DLG2: variants seen among roughly 807,000 people sequenced by gnomAD.
The protein encoded by DLG2 is discs large MAGUK scaffold protein 2.
In DLG2, 45 loss-of-function variants were observed where a neutral mutation model predicts 132.5. The ratio of observed to expected loss-of-function variants is 0.34; its 90% confidence interval spans 0.27 to 0.44. The LOEUF (loss-of-function observed/expected upper bound fraction) is 0.44, where lower values mean the gene tolerates loss of function less well. DLG2 is among the 20% of genes least tolerant of loss of function. The pLI is 1.00. For missense variants in DLG2, 1,045 were observed against 1,196.9 expected, an observed-to-expected ratio of 0.87 and a Z score of 1.87; for synonymous variants, 424 against 419.6, an observed-to-expected ratio of 1.01 and a Z score of -0.13.
intron 18 of DLG2, among the ~76,000 whole-genome samples, chr11:83,746,564 T>C (rs2092926548): frequency 6.6e-6 from 1 of 150,666 alleles, no homozygotes; most frequent in Non-Finnish European, 1.5e-5. Flanking sequence ...ACATCACACA[T>C]CAGGGCCTGT....
At chr11:84,782,043 T>G (rs1301593141) in intron 6 of DLG2, among the ~76,000 whole-genome samples, 1 of 152,078 alleles carries the variant, frequency 6.6e-6, no homozygotes, top group African/African-American at 2.4e-5. Flanking sequence ...GCAGCCACAA[T>G]CTTCACTTGA....
chr11:84,743,843 G>A (rs1448776149), intron 6 of DLG2, among the ~76,000 whole-genome samples: 1 of 151,936 alleles, frequency 6.6e-6, no homozygotes, highest in Non-Finnish European at 1.5e-5. Flanking sequence ...TCCTTCCTCA[G>A]CCTCCTGAGT....
chr11:84,148,358 C>T (rs751787007), intron 9 of DLG2, among the ~76,000 whole-genome samples: 22 of 152,032 alleles, frequency 1.4e-4, no homozygotes, highest in Non-Finnish European at 2.9e-4. Context: ...GTGTTTCAGG[C>T]CTTGCAACCT....
intron 3 of DLG2, among the ~76,000 whole-genome samples, chr11:85,397,509 T>C (rs1051433126): frequency 5.3e-5 from 8 of 152,236 alleles, no homozygotes; most frequent in Admixed American, 2.0e-4. Context: ...TCAAGCACCA[T>C]TGGTATGCTG....
chr11:84,270,097 C>A lies in DLG2; in HGVS notation c.520-18806G>T, dbSNP rs201172957. Among the ~76,000 whole-genome samples the A allele has an allele frequency of 9.8e-5, 15 of 152,322 alleles. No individual in the cohort carries two copies. In the East Asian group the frequency reaches 2.9e-3, roughly 29 times the overall value. On this transcript the variant is annotated intron_variant, in intron 7 of 27. Coordinates refer to ENST00000376104, the MANE Select transcript of DLG2 (RefSeq NM_001142699.3). Reference sequence around the variant, plus strand: ...TATGAGACTGTTTTTATAAGCATATCTACTCATTTGAATAAAATTGCAAAG... The same window carrying A: ...TATGAGACTGTTTTTATAAGCATATATACTCATTTGAATAAAATTGCAAAG...
chr11:85,052,881 G>A (rs1057355395), intron 6 of DLG2, among the ~76,000 whole-genome samples: 4 of 152,130 alleles, frequency 2.6e-5, no homozygotes, highest in African/African-American at 9.7e-5. Flanking sequence ...GTATAGTTCT[G>A]TGTTTAGTCA....
chr11:84,589,809 C>T (rs2099538637), intron 6 of DLG2, among the ~76,000 whole-genome samples: 1 of 152,164 alleles, frequency 6.6e-6, no homozygotes. Flanking sequence ...GTTTATGAGA[C>T]AATTGTCCCA....
chr11:84,985,475 G>A (rs989717602), intron 6 of DLG2, among the ~76,000 whole-genome samples: 5 of 152,052 alleles, frequency 3.3e-5, no homozygotes, highest in African/African-American at 2.4e-5. Context: ...ATACAGCAAA[G>A]GTGGTGCTAA....
At chr11:85,602,930 C>G (rs2080271543) in intron 2 of DLG2, among the ~76,000 whole-genome samples, 1 of 152,136 alleles carries the variant, frequency 6.6e-6, no homozygotes, top group Non-Finnish European at 1.5e-5. Flanking sequence ...GTAAGGCCTT[C>G]CCTAATACTC....
chr11:85,546,614 G>A (rs1353387769), intron 3 of DLG2, among the ~76,000 whole-genome samples: 1 of 152,054 alleles, frequency 6.6e-6, no homozygotes, highest in East Asian at 1.9e-4. Context: ...CATTATTATT[G>A]TGTGGGAGTC....
chr11:84,615,116 T>G (rs2099601677), intron 6 of DLG2, among the ~76,000 whole-genome samples: 1 of 152,172 alleles, frequency 6.6e-6, no homozygotes, highest in Admixed American at 6.6e-5. Flanking sequence ...TACAAATGGT[T>G]GTGTATGACA....
intron 6 of DLG2, among the ~76,000 whole-genome samples, chr11:84,875,272 G>A (rs2154048561): frequency 6.6e-6 from 1 of 152,198 alleles, no homozygotes; most frequent in African/African-American, 2.4e-5. Context: ...TGGATATATA[G>A]GTTAAGAGTT....
chr11:83,967,203 C>A lies in DLG2; in HGVS notation c.1057-1735G>T, dbSNP rs1020711962. On this transcript the variant is annotated intron_variant, in intron 12 of 27. Coordinates refer to ENST00000376104, the MANE Select transcript of DLG2 (RefSeq NM_001142699.3). ...TAATGCTGCATTGAACATGGGAGTG[C>A]AGATATCTTTACAAGGTGGTGATTT... Among the ~76,000 whole-genome samples the A allele has an allele frequency of 7.9e-5, 12 of 152,198 alleles. No individual in the cohort carries two copies. The South Asian group carries it at 8.3e-4, about 11-fold the overall frequency.
chr11:85,226,536 G>C (rs2074988332), intron 4 of DLG2, among the ~76,000 whole-genome samples: 1 of 152,028 alleles, frequency 6.6e-6, no homozygotes, highest in Non-Finnish European at 1.5e-5. Flanking sequence ...CTGGGCAACA[G>C]AGCAAGACCC....
At chr11:84,209,021 T>C (rs1566935774) in intron 8 of DLG2, among the ~76,000 whole-genome samples, 3 of 152,180 alleles carry the variant, frequency 2.0e-5, no homozygotes, top group Admixed American at 1.3e-4. Context: ...TATAGATATA[T>C]GTGTATACAT....
chr11:84,851,610 G>C (rs567881797), intron 6 of DLG2, among the ~76,000 whole-genome samples: 1 of 152,070 alleles, frequency 6.6e-6, no homozygotes, highest in Non-Finnish European at 1.5e-5. Context: ...AGAGCAGTAA[G>C]ATGTAAACTC....
intron 6 of DLG2, among the ~76,000 whole-genome samples, chr11:84,808,826 CA>C (rs1305849562): frequency 1.3e-5 from 2 of 151,592 alleles, no homozygotes; most frequent in African/African-American, 4.8e-5. Context: ...AATTCCCAAA[CA>C]AAAAAAGAAA....
chr11:85,428,291 C>T (rs1426079347), intron 3 of DLG2, among the ~76,000 whole-genome samples: 10 of 152,208 alleles, frequency 6.6e-5, no homozygotes, highest in Admixed American at 6.5e-4. Context: ...TAGACATCAA[C>T]AGAACTCTCC....
chr11:84,056,566 GA>G (rs2096504065), intron 11 of DLG2, among the ~76,000 whole-genome samples: 1 of 152,098 alleles, frequency 6.6e-6, no homozygotes, highest in South Asian at 2.1e-4. Context: ...GGGTGCATAA[GA>G]GTTTCCACTG....
Sources: gnomAD v4.1 joint callset for allele counts (sites outside exome capture counted in the v4.1 genomes callset) on GRCh38, gnomAD v4.1.1 for gene constraint, MANE v1.5 for transcripts, NCBI Gene and HGNC (gene_info 2026-07-23, HGNC 2026-07-21) for gene names.